AGFG1: variants seen among roughly 807,000 people sequenced by gnomAD.
The protein encoded by AGFG1 is ArfGAP with FG repeats 1, also known as arf-GAP domain and FG repeat-containing protein 1.
In AGFG1, 10 loss-of-function variants were observed where a neutral mutation model predicts 60.6. The observed-to-expected ratio is 0.16, with a 90% CI of 0.10 to 0.28. The LOEUF is 0.28. Ranked by LOEUF, AGFG1 falls within the 10% of genes least tolerant of loss-of-function variation. The probability of loss-of-function intolerance (pLI) is 1.00; values close to 1 mark genes in which losing one functional copy is unlikely to be tolerated. For synonymous variants in AGFG1, 247 were observed against 242.9 expected (o/e 1.02, Z -0.16); for missense variants, 537 against 676.5 (o/e 0.79, Z 2.29).
chr2:227,544,997 G>T (rs953113715), intron 10 of AGFG1, among the ~76,000 whole-genome samples: 2 of 152,152 alleles, frequency 1.3e-5, no homozygotes, highest in Non-Finnish European at 2.9e-5. Context: ...GAATTTGAAG[G>T]TTGGCTTGCC....
intron 2 of AGFG1, among the ~76,000 whole-genome samples, chr2:227,501,110 A>G (rs1319634604): frequency 3.6e-5 from 5 of 137,118 alleles, no homozygotes; most frequent in Admixed American, 1.4e-4. Context: ...TTTTTGACAG[A>G]GTCTTGGTCT....
At chr2:227,493,934 A>C (rs1010318385) in intron 2 of AGFG1, among the ~76,000 whole-genome samples, 1 of 152,258 alleles carries the variant, frequency 6.6e-6, no homozygotes, top group Non-Finnish European at 1.5e-5. Context: ...TTTTGAGGGT[A>C]ACTAGAACCT....
At chr2:227,513,182 G>A (rs1258419581) in intron 2 of AGFG1, among the ~76,000 whole-genome samples, 1 of 152,160 alleles carries the variant, frequency 6.6e-6, no homozygotes, top group East Asian at 1.9e-4. Flanking sequence ...TGAGTATGGA[G>A]GTTTCCTATT....
intron 1 of AGFG1, among the ~76,000 whole-genome samples, chr2:227,487,999 T>C (rs1391307179): frequency 6.6e-6 from 1 of 152,232 alleles, no homozygotes; most frequent in East Asian, 1.9e-4. Flanking sequence ...ACACATAAAA[T>C]TTCCTCATGC....
intron 2 of AGFG1, among the ~76,000 whole-genome samples, chr2:227,495,881 T>A (rs13025709): frequency 0.072 from 10,916 of 151,800 alleles, 521 homozygotes; most frequent in Admixed American, 0.11. Context: ...GGCGAATGGA[T>A]CAGTTGAGGC....
intron 5 of AGFG1, among the ~76,000 whole-genome samples, chr2:227,530,202 T>C (rs1461711436): frequency 6.6e-6 from 1 of 152,192 alleles, no homozygotes; most frequent in Non-Finnish European, 1.5e-5. Flanking sequence ...AGCTTTACCA[T>C]TGTGTTACAT....
chr2:227,539,746 C>CAAAAAA (rs71039604), intron 10 of AGFG1, among the ~76,000 whole-genome samples: 1 of 65,560 alleles, frequency 1.5e-5, no homozygotes, highest in Non-Finnish European at 3.1e-5. Flanking sequence ...CTCTAGCTCA[C>CAAAAAA]AAAAAAAAAA....
Position 227,556,569 on chromosome 2 carries a change from C to G in AGFG1, c.*2074C>G, listed in dbSNP as rs1271923149. 2 of 152,586 alleles carry G rather than the reference C, an allele frequency of 1.3e-5. No individual in the cohort carries two copies. Among genetic ancestry groups the G allele is most frequent in the Admixed American group, 6.5e-5 (1 of 15,282 alleles). The allele number at this position is 152,586 out of a possible 1,614,324, so 9.5% of individuals were successfully genotyped here. On this transcript the variant is annotated 3_prime_UTR_variant, in exon 13 of 13. Coordinates refer to ENST00000310078, the MANE Select transcript of AGFG1 (RefSeq NM_004504.5). Reference sequence around the variant, plus strand: ...AGATTGTATCGGGTCCCAGTTGATTCATGTGTACAAAGTTATGCTACCTAA... The same window carrying G: ...AGATTGTATCGGGTCCCAGTTGATTGATGTGTACAAAGTTATGCTACCTAA...
intron 2 of AGFG1, among the ~76,000 whole-genome samples, chr2:227,516,769 T>G (rs187299417): frequency 2.0e-5 from 3 of 152,330 alleles, no homozygotes; most frequent in South Asian, 2.1e-4. Flanking sequence ...ATTTATTCAT[T>G]TATTGATTTT....
rs766022785 is a variant in AGFG1 at position 227,531,255 on chromosome 2, CA to C, written c.814+49del. 3.2e-6 allele frequency: 5 copies of C among 1,583,012 alleles called. No homozygotes were observed. The South Asian group carries it at 5.9e-5, about 19-fold the overall frequency. On this transcript the variant is annotated intron_variant, in intron 6 of 12. Coordinates refer to ENST00000310078, the MANE Select transcript of AGFG1 (RefSeq NM_004504.5). ...GTGCTTAAATGTTTACTTTACAAAA[CA>C]AAACTCTCTAAATGTAGTTTTGAAA...
chr2:227,481,190 A>G (rs1690450631), intron 1 of AGFG1, among the ~76,000 whole-genome samples: 1 of 136,888 alleles, frequency 7.3e-6, no homozygotes, highest in Non-Finnish European at 1.5e-5. Flanking sequence ...TTTTTTGGGG[A>G]ATATAAAAGC....
chr2:227,513,302 T>A (rs1176201185), intron 2 of AGFG1, among the ~76,000 whole-genome samples: 3 of 152,220 alleles, frequency 2.0e-5, no homozygotes, highest in Non-Finnish European at 4.4e-5. Flanking sequence ...CTCCAGTCTT[T>A]TCCCTGCTCT....
chr2:227,506,525 A>T (rs1261240883), intron 2 of AGFG1, among the ~76,000 whole-genome samples: 6 of 140,538 alleles, frequency 4.3e-5, no homozygotes, highest in Admixed American at 2.3e-4. Context: ...GAGTTTTAGC[A>T]GCCCTGCATG....
chr2:227,520,959 G>T (rs144773188), intron 3 of AGFG1, among the ~76,000 whole-genome samples: 2,445 of 152,302 alleles, frequency 0.016, 29 homozygotes, highest in Non-Finnish European at 0.025. Flanking sequence ...GGGAACATTT[G>T]TTGTGGTTTA....
At chr2:227,472,866 C>T (rs1188508791) in intron 1 of AGFG1, among the ~76,000 whole-genome samples, 1 of 142,636 alleles carries the variant, frequency 7.0e-6, no homozygotes, top group East Asian at 2.1e-4. Context: ...GGGTTGGGGT[C>T]AGGGAGGGGG....
At chr2:227,503,451 A>G (rs528704551) in intron 2 of AGFG1, among the ~76,000 whole-genome samples, 2 of 152,290 alleles carry the variant, frequency 1.3e-5, no homozygotes, top group East Asian at 1.9e-4. Context: ...GGGTTGACCA[A>G]CTAAAGCCTG....
rs144407737 is a variant in AGFG1, at chr2:227,536,638, A to C, written c.1219A>C (p.Thr407Pro). 8.9e-5 allele frequency: 143 copies of C among 1,613,358 alleles called. 1 individual carries two copies. The highest frequency in any genetic ancestry group is 1.0e-4 in the Non-Finnish European group (121 of 1,179,716). ...ATTTGTTCTCAGCAATGTTTTTGGA[A>C]CAGTGCCAGTGGTTGCTTCTGCACA... ...TSNASSNVFG[T>P]VPVVASAQTQ... Residue 407 changes from threonine (T) to proline (P), a missense_variant, in exon 9 of 13, where the codon ACA becomes CCA. Thr to Pro is a conservative substitution (Grantham distance 38, BLOSUM62 -1). Coordinates refer to ENST00000310078, the MANE Select transcript of AGFG1 (RefSeq NM_004504.5).
intron 3 of AGFG1, among the ~76,000 whole-genome samples, chr2:227,520,606 GTTAATTTTTAAAAA>G (rs1691796072): frequency 6.6e-6 from 1 of 152,136 alleles, no homozygotes; most frequent in South Asian, 2.1e-4. Context: ...TCTATCAGAT[GTTAATTTTTAAAAA>G]TTAATTCCAA....
chr2:227,488,886 T>G, intron 1 of AGFG1, among the ~76,000 whole-genome samples: 1 of 152,224 alleles, frequency 6.6e-6, no homozygotes, highest in East Asian at 1.9e-4. Flanking sequence ...CAATCTTGGC[T>G]CACTGCACCC....
Sources: allele counts gnomAD v4.1 joint callset (sites outside exome capture counted in the v4.1 genomes callset), GRCh38; gene constraint gnomAD v4.1.1; transcripts MANE v1.5; gene names NCBI Gene and HGNC (gene_info 2026-07-23, HGNC 2026-07-21).